The following DOCK4 variants were observed in gnomAD, a reference collection of about 807,000 sequenced individuals.
DOCK4 encodes the protein dedicator of cytokinesis 4, also known as dedicator of cytokinesis protein 4.
Under a neutral mutation model 268.1 loss-of-function variants are expected in DOCK4, and 97 were observed. The observed-to-expected ratio is 0.36, with a 90% CI of 0.31 to 0.43. The LOEUF (loss-of-function observed/expected upper bound fraction) is 0.43, where lower values mean the gene tolerates loss of function less well. Among genes scored for constraint, DOCK4 ranks in the 20% least tolerant of loss-of-function variants. The pLI, the probability that DOCK4 is intolerant of heterozygous loss-of-function variation, is 1.00. For missense variants in DOCK4, 2,145 were observed against 2,455.7 expected, an observed-to-expected ratio of 0.87 and a Z score of 2.67; for synonymous variants, 954 against 887.2, an observed-to-expected ratio of 1.08 and a Z score of -1.34.
At chr7:112,004,461 T>G (rs1800691343) in intron 1 of DOCK4, among the ~76,000 whole-genome samples, 1 of 152,214 alleles carries the variant, frequency 6.6e-6, no homozygotes, top group Admixed American at 6.5e-5. Context: ...TTTCACTGCT[T>G]TCTTCACTCC....
chr7:111,994,272 T>C (rs760949278), intron 4 of DOCK4, 41 bp from the exon 5 acceptor site: 6 of 1,318,290 alleles, frequency 4.6e-6, no homozygotes, highest in African/African-American at 1.5e-5. Context: ...GTAAATACCA[T>C]AGACAACAAT....
At chr7:111,986,996 C>T (rs965258796) in intron 6 of DOCK4, among the ~76,000 whole-genome samples, 2 of 152,100 alleles carry the variant, frequency 1.3e-5, no homozygotes, top group African/African-American at 4.8e-5. Flanking sequence ...TCCATGAGCA[C>T]TATTCAATAA....
chr7:112,058,053 T>TTCC (rs1806006625), intron 1 of DOCK4, among the ~76,000 whole-genome samples: 5 of 136,696 alleles, frequency 3.7e-5, no homozygotes, highest in African/African-American at 1.1e-4. Context: ...TTTTTTTTAC[T>TTCC]AGTAGAGTTT....
intron 1 of DOCK4, among the ~76,000 whole-genome samples, chr7:112,020,967 C>G (rs1802267300): frequency 6.6e-6 from 1 of 152,192 alleles, no homozygotes; most frequent in African/African-American, 2.4e-5. Context: ...CTGCCCATTT[C>G]TCCCCAGAGT....
chr7:111,827,175 G>A (rs1317160831), intron 26 of DOCK4, among the ~76,000 whole-genome samples: 2 of 151,988 alleles, frequency 1.3e-5, no homozygotes, highest in Non-Finnish European at 2.9e-5. Context: ...CAATTAAAGG[G>A]TGTTAATAAT....
At chr7:111,861,694 T>G (rs1200595098) in intron 23 of DOCK4, among the ~76,000 whole-genome samples, 1 of 144,644 alleles carries the variant, frequency 6.9e-6, no homozygotes, top group Non-Finnish European at 1.5e-5. Context: ...TGCAGTGAGC[T>G]AAGATCATGC....
At chr7:111,945,530 A>G (rs1417515331) in intron 9 of DOCK4, among the ~76,000 whole-genome samples, 187 bp downstream of exon 9, 1 of 152,222 alleles carries the variant, frequency 6.6e-6, no homozygotes, top group Admixed American at 6.5e-5. Flanking sequence ...GCAGTAATAC[A>G]CTAAAGGAAT....
intron 26 of DOCK4, among the ~76,000 whole-genome samples, chr7:111,825,463 A>T (rs985992033): frequency 6.6e-6 from 1 of 151,646 alleles, no homozygotes; most frequent in East Asian, 1.9e-4. Context: ...TTCACTAAAT[A>T]TGTGTTTTTG....
At chr7:112,179,241 C>T (rs1043032275) in intron 1 of DOCK4, among the ~76,000 whole-genome samples, 1 of 151,994 alleles carries the variant, frequency 6.6e-6, no homozygotes, top group Admixed American at 6.6e-5. Flanking sequence ...TAAAAATTTT[C>T]CCGGTGTGGT....
chr7:112,140,682 AAC>A (rs1814828982), intron 1 of DOCK4, among the ~76,000 whole-genome samples: 1 of 151,634 alleles, frequency 6.6e-6, no homozygotes, highest in African/African-American at 2.4e-5. Context: ...AGAAAAAAAA[AAC>A]ATACACGGAA....
At position 112,149,167 on chromosome 7, in the gene DOCK4, T is replaced by C. The variant is rs376106045; in HGVS notation, c.37+56935A>G. Among the ~76,000 whole-genome samples the C allele has an allele frequency of 1.4e-4, 22 of 152,324 alleles. 1 individual carries two copies. In the East Asian group the frequency reaches 3.1e-3, roughly 21 times the overall value. ...GAGACTTATGATTCATTAATGCCTA[T>C]GGCATAAAAGATGGTGCAACTGCGC... is the stretch of plus-strand genomic sequence containing the variant. On this transcript the variant is annotated intron_variant, in intron 1 of 52. Transcript: ENST00000428084.
intron 16 of DOCK4, among the ~76,000 whole-genome samples, chr7:111,882,837 G>T (rs1219153106): frequency 3.9e-5 from 6 of 152,084 alleles, no homozygotes; most frequent in African/African-American, 1.4e-4. Context: ...TCGAACTCCT[G>T]ACCTCAGGTG....
rs1340361865 is a variant in DOCK4 at position 111,962,740 on chromosome 7, C to T, written c.701+14392G>A. On this transcript the variant is annotated intron_variant, in intron 8 of 52. Transcript: ENST00000428084. ...AAATAGAAGGTAATTGTAGGCAATA[C>T]AAAATTTATATGGAAATGAAGTATT... Among the ~76,000 whole-genome samples, 5 of 151,954 alleles carry T rather than the reference C, an allele frequency of 3.3e-5. No homozygotes were observed. The East Asian group carries it at 7.7e-4, about 23-fold the overall frequency.
chr7:111,998,398 G>A, intron 4 of DOCK4, 50 bp downstream of exon 4: 2 of 1,398,942 alleles, frequency 1.4e-6, no homozygotes, highest in African/African-American at 1.4e-5. Context: ...TCCAAAAGAA[G>A]CAAAGGCTCT....
chr7:111,817,951 A>G (rs564983037), intron 27 of DOCK4, among the ~76,000 whole-genome samples: 3 of 152,256 alleles, frequency 2.0e-5, no homozygotes, highest in Admixed American at 1.3e-4. Context: ...ACCAATATCT[A>G]CCACACTGCC....
In DOCK4 at chr7:111,745,683, TAAAAAAAAAAAAA is replaced by T. The variant is rs781530065; in HGVS notation, c.4677+638_4677+650del. 1.8e-4 allele frequency among the ~76,000 whole-genome samples: 9 copies of T among 49,614 alleles called. No homozygotes were observed. The Admixed American group carries it at 3.2e-3, about 18-fold the overall frequency. 32.5% of individuals were successfully genotyped at this position (49,614 alleles called of 152,430 possible). A position where few individuals can be genotyped will look rare whatever the true frequency, so the allele number is the denominator to read the frequency against. ...TGGGTGACAGAGGGAGACTCCGTCT[TAAAAAAAAAAAAA>T]AAAAAAAAAAAAAAGTTGGCATCAA... On this transcript the variant is annotated intron_variant, in intron 44 of 52. Transcript: ENST00000428084.
intron 25 of DOCK4, chr7:111,840,702 G>T: frequency 1.2e-6 from 1 of 806,098 alleles, no homozygotes; most frequent in East Asian, 9.1e-5. Context: ...TAACAATCAT[G>T]GTGCTTACAG....
chr7:112,019,880 T>C (rs759507854), intron 1 of DOCK4, among the ~76,000 whole-genome samples: 1 of 152,232 alleles, frequency 6.6e-6, no homozygotes, highest in Non-Finnish European at 1.5e-5. Context: ...CATTTTGCTG[T>C]GAGTTCTTCC....
intron 8 of DOCK4, among the ~76,000 whole-genome samples, chr7:111,948,680 T>A (rs997996221): frequency 9.2e-5 from 14 of 151,806 alleles, no homozygotes; most frequent in African/African-American, 3.4e-4. Context: ...TTGCAACCTC[T>A]ACCTCCCGGA....
Sources: allele counts gnomAD v4.1 joint callset (sites outside exome capture counted in the v4.1 genomes callset), GRCh38; gene constraint gnomAD v4.1.1; transcripts MANE v1.5; gene names NCBI Gene and HGNC (gene_info 2026-07-23, HGNC 2026-07-21).